PDCL2: variants seen among roughly 807,000 people sequenced by gnomAD.
PDCL2 encodes the protein phosducin like 2, also known as phosducin-like protein 2.
In PDCL2, 23 loss-of-function variants were observed where a neutral mutation model predicts 30.3. The observed-to-expected ratio is 0.76, with a 90% CI of 0.55 to 1.08. The LOEUF is 1.08. Ranked by LOEUF, PDCL2 falls within the 50% of genes least tolerant of loss-of-function variation. The pLI, the probability that PDCL2 is intolerant of heterozygous loss-of-function variation, is 0.00. For missense variants in PDCL2, 243 were observed against 282.3 expected (o/e 0.86, Z 1.00); for synonymous variants, 68 against 86.2 (o/e 0.79, Z 1.17).
chr4:55,583,987 T>C (rs1295363995), intron 1 of PDCL2, among the ~76,000 whole-genome samples: 1 of 152,184 alleles, frequency 6.6e-6, no homozygotes, highest in Non-Finnish European at 1.5e-5. Flanking sequence ...AATCTACAGA[T>C]TGCTTTGGGT....
At chr4:55,565,772 T>C (rs893279003) in intron 4 of PDCL2, among the ~76,000 whole-genome samples, 1 of 152,056 alleles carries the variant, frequency 6.6e-6, no homozygotes, top group East Asian at 1.9e-4. Flanking sequence ...GGAGGCTGAT[T>C]TGAGTAATAA....
chr4:55,569,468 C>A (rs1319236605), intron 4 of PDCL2, among the ~76,000 whole-genome samples: 1 of 152,008 alleles, frequency 6.6e-6, no homozygotes, highest in Admixed American at 6.6e-5. Context: ...AAGTTTTTAA[C>A]AAAACTACCA....
intron 4 of PDCL2, among the ~76,000 whole-genome samples, chr4:55,568,187 T>C (rs1269393996): frequency 6.6e-6 from 1 of 152,184 alleles, no homozygotes; most frequent in African/African-American, 2.4e-5. Flanking sequence ...CAGTGAAGGT[T>C]GCTGTCATGG....
intron 3 of PDCL2, among the ~76,000 whole-genome samples, chr4:55,578,684 T>C (rs1300472984): frequency 1.3e-5 from 2 of 152,144 alleles, no homozygotes; most frequent in Non-Finnish European, 2.9e-5. Flanking sequence ...ACAGAGGTGA[T>C]ATGTCCTTCT....
At chr4:55,588,820 T>C (rs572884256) in intron 1 of PDCL2, among the ~76,000 whole-genome samples, 1 of 152,252 alleles carries the variant, frequency 6.6e-6, no homozygotes, top group African/African-American at 2.4e-5. Flanking sequence ...AGGCTTTCTA[T>C]TCTACTCTAT....
At chr4:55,582,092 C>T in intron 2 of PDCL2, 25 bp downstream of exon 2, 1 of 1,610,762 alleles carries the variant, frequency 6.2e-7, no homozygotes, top group Non-Finnish European at 8.5e-7. Flanking sequence ...TCCCATCATC[C>T]AGCCCACCAA....
In PDCL2 at chr4:55,582,210, C is replaced by T. The variant is rs748175663; in HGVS notation, c.34G>A (p.Asp12Asn). 3.7e-6 allele frequency: 6 copies of T among 1,610,662 alleles called. No homozygotes were observed. In the South Asian group the frequency reaches 6.6e-5, roughly 18 times the overall value. The change falls in exon 2 of 6, where the codon GAC becomes AAC. Residue 12 changes from aspartate (D) to asparagine (N), a missense_variant. Physicochemically the swap from Asp to Asn is conservative, Grantham distance 23. Transcript: ENST00000295645. ...QDPNEDTEWN[D>N]ILRDFGILPP... is the part of the protein sequence containing the mutation. ...AGAATGCCGAAATCTCTTAAAATGT[C>T]ATTCCATTCTGTATCTTCATTGGGA...
rs373006900 is a variant in PDCL2, at chr4:55,574,119, T to A, written c.219-4258A>T. Among the ~76,000 whole-genome samples, 3 of 152,330 alleles carry A rather than the reference T, an allele frequency of 2.0e-5. No individual in the cohort carries two copies. The South Asian group carries it at 6.2e-4, about 32-fold the overall frequency. On this transcript the variant is annotated intron_variant, in intron 3 of 5. Transcript: ENST00000295645. Reference sequence around the variant, plus strand: ...GCACTAGCAAGATAAGTACAGAATTTCTTAAGAACAAGTAATATTTTTAAA... The same window carrying A: ...GCACTAGCAAGATAAGTACAGAATTACTTAAGAACAAGTAATATTTTTAAA...
Position 55,571,686 on chromosome 4 carries a change from C to CAAAAAAAAAA in PDCL2, c.219-1835_219-1826dup, listed in dbSNP as rs761336707. Among the ~76,000 whole-genome samples the CAAAAAAAAAA allele has an allele frequency of 8.7e-4, 32 of 36,858 alleles. 2 individuals carry two copies. The highest frequency in any genetic ancestry group is 2.9e-3 in the African/African-American group (18 of 6,294). 24.2% of individuals were successfully genotyped at this position (36,858 alleles called of 152,430 possible). Reference sequence around the variant, plus strand: ...TGGGCGACAGAGTGAGACTCCATCTCAAAAAAAAAAAAAATTTTTGACCTT... The same window carrying CAAAAAAAAAA: ...TGGGCGACAGAGTGAGACTCCATCTCAAAAAAAAAAAAAAAAAAAAAAAATTTTTGACCTT... On this transcript the variant is annotated intron_variant, in intron 3 of 5. Coordinates refer to ENST00000295645, the MANE Select transcript of PDCL2 (RefSeq NM_152401.3).
intron 5 of PDCL2, 43 bp downstream of exon 5, chr4:55,562,361 T>C: frequency 4.7e-6 from 6 of 1,280,030 alleles, no homozygotes; most frequent in Non-Finnish European, 6.2e-6. Context: ...AGTTTGCAGA[T>C]GTTTTCACCT....
At chr4:55,573,532 T>A (rs913124132) in intron 3 of PDCL2, among the ~76,000 whole-genome samples, 5 of 152,052 alleles carry the variant, frequency 3.3e-5, no homozygotes, top group Non-Finnish European at 5.9e-5. Context: ...GGCAGATCAC[T>A]TGAGGTCAGG....
intron 4 of PDCL2, among the ~76,000 whole-genome samples, chr4:55,563,443 G>A (rs1162174409): frequency 6.6e-6 from 1 of 152,178 alleles, no homozygotes; most frequent in Non-Finnish European, 1.5e-5. Context: ...CACTTTGGGA[G>A]GCCAAGATAG....
At chr4:55,560,626 C>T (rs578075432) in intron 5 of PDCL2, among the ~76,000 whole-genome samples, 3 of 152,096 alleles carry the variant, frequency 2.0e-5, no homozygotes, top group Admixed American at 6.5e-5. Flanking sequence ...AAAAAAATAG[C>T]TGAAGCAAGC....
At position 55,587,216 on chromosome 4, in the gene PDCL2, TAAAAAAAAAAAAAA is replaced by T. The variant is rs869107656; in HGVS notation, c.6+4874_6+4887del. 1.6e-3 allele frequency among the ~76,000 whole-genome samples: 99 copies of T among 62,840 alleles called. 1 individual carries two copies. Among genetic ancestry groups the T allele is most frequent in the African/African-American group, 7.0e-3 (94 of 13,444 alleles). The allele number at this position is 62,840 out of a possible 152,430, so 41.2% of individuals were successfully genotyped here. A position where few individuals can be genotyped will look rare whatever the true frequency, so the allele number is the denominator to read the frequency against. On this transcript the variant is annotated intron_variant, in intron 1 of 5. Coordinates refer to ENST00000295645, the MANE Select transcript of PDCL2 (RefSeq NM_152401.3). Reference sequence around the variant, plus strand: ...CCTCACGTGGCAAAAGACAGAATAGTAAAAAAAAAAAAAAAAAAAAAAAAAAAAAAGGGACATAC... The same window carrying T: ...CCTCACGTGGCAAAAGACAGAATAGTAAAAAAAAAAAAAAAAGGGACATAC...
intron 3 of PDCL2, among the ~76,000 whole-genome samples, chr4:55,575,053 A>G (rs1160438171): frequency 6.6e-6 from 1 of 152,202 alleles, no homozygotes; most frequent in Non-Finnish European, 1.5e-5. Flanking sequence ...ATCCTCACCA[A>G]TTTATTTATT....
At chr4:55,569,615 G>T in intron 4 of PDCL2, 103 bp downstream of exon 4, 1 of 720,484 alleles carries the variant, frequency 1.4e-6, no homozygotes, top group Non-Finnish European at 2.1e-6. Context: ...ATATATAGTT[G>T]CTTTTTCTTG....
At chr4:55,564,895 C>T (rs547995777) in intron 4 of PDCL2, among the ~76,000 whole-genome samples, 1 of 152,278 alleles carries the variant, frequency 6.6e-6, no homozygotes, top group East Asian at 1.9e-4. Context: ...CTAACCAACT[C>T]CCATCTTCCC....
intron 3 of PDCL2, among the ~76,000 whole-genome samples, chr4:55,580,276 A>T (rs1011748313): frequency 1.3e-5 from 2 of 152,194 alleles, no homozygotes; most frequent in African/African-American, 4.8e-5. Context: ...GTTTACAGTC[A>T]TGAGGGATAT....
chr4:55,588,875 T>TC (rs2110170268), intron 1 of PDCL2, among the ~76,000 whole-genome samples: 1 of 151,922 alleles, frequency 6.6e-6, no homozygotes, highest in South Asian at 2.1e-4. Context: ...CTTTTTTTTT[T>TC]TTTAGAGAGT....
Sources: allele counts gnomAD v4.1 joint callset (sites outside exome capture counted in the v4.1 genomes callset), GRCh38; gene constraint gnomAD v4.1.1; transcripts MANE v1.5; gene names NCBI Gene and HGNC (gene_info 2026-07-23, HGNC 2026-07-21).